Variants in MYO3B observed in about 807,000 individuals in gnomAD.
MYO3B encodes myosin-IIIb.
A neutral mutation model predicts 174.6 loss-of-function variants in MYO3B; 156 were observed. The observed-to-expected ratio is 0.89, with a 90% CI of 0.78 to 1.02. MYO3B has a LOEUF of 1.02. MYO3B is among the 50% of genes least tolerant of loss of function. MYO3B has a pLI of 0.00. For synonymous variants in MYO3B, 563 were observed against 569.1 expected, an observed-to-expected ratio of 0.99 and a Z score of 0.15; for missense variants, 1,632 against 1,639.4, an observed-to-expected ratio of 1.00 and a Z score of 0.08.
At chr2:170,210,688 C>A (rs1423446576) in intron 3 of MYO3B, among the ~76,000 whole-genome samples, 1 of 152,170 alleles carries the variant, frequency 6.6e-6, no homozygotes, top group Non-Finnish European at 1.5e-5. Flanking sequence ...ATCTGACCTG[C>A]ATAATTTAGT....
intron 7 of MYO3B, among the ~76,000 whole-genome samples, chr2:170,320,129 T>G (rs1477909910): frequency 6.6e-6 from 1 of 152,176 alleles, no homozygotes; most frequent in Non-Finnish European, 1.5e-5. Context: ...ATTCTTTAAA[T>G]ATATTTTTCT....
chr2:170,358,700 T>G (rs2094140301), intron 8 of MYO3B, among the ~76,000 whole-genome samples: 1 of 152,208 alleles, frequency 6.6e-6, no homozygotes, highest in Non-Finnish European at 1.5e-5. Context: ...ATGCCAGCTA[T>G]GCACATTATA....
intron 32 of MYO3B, among the ~76,000 whole-genome samples, chr2:170,626,614 C>A (rs1272327504): frequency 2.0e-5 from 3 of 152,128 alleles, no homozygotes; most frequent in Non-Finnish European, 4.4e-5. Context: ...CTATTTTGCT[C>A]ATTAGTTGAT....
chr2:170,527,366 T>G (rs1323117104), intron 30 of MYO3B, among the ~76,000 whole-genome samples: 1 of 152,230 alleles, frequency 6.6e-6, no homozygotes, highest in African/African-American at 2.4e-5. Context: ...AGTGTTTGGG[T>G]AGAATATAGT....
intron 6 of MYO3B, among the ~76,000 whole-genome samples, chr2:170,218,878 A>G (rs911838809): frequency 9.2e-5 from 14 of 152,224 alleles, no homozygotes; most frequent in African/African-American, 3.4e-4. Flanking sequence ...CACTTTGAGA[A>G]GCACTGCAGG....
intron 6 of MYO3B, among the ~76,000 whole-genome samples, chr2:170,234,181 AAAAAAACAAAAC>A (rs1559321956): frequency 1.4e-5 from 1 of 72,708 alleles, no homozygotes; most frequent in African/African-American, 8.2e-5. Flanking sequence ...AAAAAAAAAA[AAAAAAACAAAAC>A]AAAACAAAAA....
At chr2:170,611,827 C>T (rs1695141015) in intron 32 of MYO3B, among the ~76,000 whole-genome samples, 1 of 152,124 alleles carries the variant, frequency 6.6e-6, no homozygotes, top group South Asian at 2.1e-4. Context: ...CTTTATTTTG[C>T]TTTGTTACAA....
At chr2:170,610,253 T>A (rs1431057355) in intron 32 of MYO3B, among the ~76,000 whole-genome samples, 1 of 71,522 alleles carries the variant, frequency 1.4e-5, no homozygotes, top group African/African-American at 4.9e-5. Flanking sequence ...GGCAGGAGAA[T>A]GGCGTGAACC....
intron 25 of MYO3B, among the ~76,000 whole-genome samples, chr2:170,473,728 AT>A (rs145553670): frequency 0.016 from 2,497 of 152,274 alleles, 34 homozygotes; most frequent in African/African-American, 0.028. Context: ...CTTTAAACAA[AT>A]TTGCCTCCCT....
rs551657446 is a variant in MYO3B, at chr2:170,483,514, A to G, written c.3015-15078A>G. Among the ~76,000 whole-genome samples the G allele has an allele frequency of 7.4e-4, 102 of 138,604 alleles. 1 individual carries two copies. The highest frequency in any genetic ancestry group is 2.4e-4 in the Non-Finnish European group (16 of 67,028). The allele number at this position is 138,604 out of a possible 152,430, so 90.9% of individuals were successfully genotyped here. On this transcript the variant is annotated intron_variant, in intron 25 of 34. Transcript: ENST00000408978. ...CCATTCTCCTGCCTCAGCCTCCCGA[A>G]TAGCTGGGACTACAGGCGCCCGCTA...
At chr2:170,482,506 C>T (rs1229768606) in intron 25 of MYO3B, among the ~76,000 whole-genome samples, 1 of 152,212 alleles carries the variant, frequency 6.6e-6, no homozygotes, top group African/African-American at 2.4e-5. Context: ...CTTGCTCCTC[C>T]TTGCCTTCTG....
At chr2:170,181,776 A>C (rs2052633) in intron 1 of MYO3B, among the ~76,000 whole-genome samples, 65,060 of 152,050 alleles carry the variant, frequency 0.43, 15,179 homozygotes, top group East Asian at 0.57. Context: ...AATGCCTACC[A>C]GTAGAATTAC....
At chr2:170,336,181 A>G (rs1010319097) in intron 8 of MYO3B, among the ~76,000 whole-genome samples, 1 of 151,840 alleles carries the variant, frequency 6.6e-6, no homozygotes, top group African/African-American at 2.4e-5. Context: ...GGCCTGGTGA[A>G]TTGAGGGGAC....
chr2:170,606,697 T>G (rs1390596939), intron 32 of MYO3B, among the ~76,000 whole-genome samples: 1 of 152,164 alleles, frequency 6.6e-6, no homozygotes, highest in East Asian at 1.9e-4. Flanking sequence ...TGCAACATTT[T>G]CTCTAACTCT....
intron 1 of MYO3B, among the ~76,000 whole-genome samples, chr2:170,193,384 G>C (rs892046771): frequency 8.6e-5 from 13 of 151,744 alleles, no homozygotes; most frequent in Admixed American, 1.3e-4. Flanking sequence ...TCATTTACCT[G>C]GTTTATCTTT....
At chr2:170,581,193 G>C (rs1575195952) in intron 32 of MYO3B, among the ~76,000 whole-genome samples, 1 of 151,956 alleles carries the variant, frequency 6.6e-6, no homozygotes, top group African/African-American at 2.4e-5. Flanking sequence ...TGAATTTCCA[G>C]ATTAAAAAAA....
intron 7 of MYO3B, among the ~76,000 whole-genome samples, chr2:170,328,608 C>T (rs1413453423): frequency 6.6e-6 from 1 of 152,122 alleles, no homozygotes; most frequent in Non-Finnish European, 1.5e-5. Context: ...AGTTTGAAAT[C>T]CCATATGACA....
intron 32 of MYO3B, among the ~76,000 whole-genome samples, chr2:170,631,256 C>G (rs1696947567): frequency 6.6e-6 from 1 of 152,098 alleles, no homozygotes; most frequent in South Asian, 2.1e-4. Flanking sequence ...GATGAATGCA[C>G]AAGCTTCAGT....
intron 7 of MYO3B, among the ~76,000 whole-genome samples, chr2:170,319,882 T>C (rs2113650): frequency 0.17 from 26,157 of 152,148 alleles, 2,855 homozygotes; most frequent in African/African-American, 0.28. Flanking sequence ...ATATTCAAAG[T>C]GCTGAAAAAG....
Sources: allele counts gnomAD v4.1 joint callset (sites outside exome capture counted in the v4.1 genomes callset), GRCh38; gene constraint gnomAD v4.1.1; transcripts MANE v1.5; gene names NCBI Gene and HGNC (gene_info 2026-07-23, HGNC 2026-07-21).